RORB: variants seen among roughly 807,000 people sequenced by gnomAD.
RORB encodes RAR related orphan receptor B, also known as nuclear receptor ROR-beta.
A neutral mutation model predicts 59.1 loss-of-function variants in RORB; 6 were observed. That is an observed-to-expected ratio of 0.10 (90% confidence interval 0.06 to 0.20). The LOEUF is 0.20. RORB is among the 10% of genes least tolerant of loss of function. RORB has a pLI of 1.00. For synonymous variants in RORB, 215 were observed against 204.5 expected (o/e 1.05, Z -0.44); for missense variants, 320 against 560.5 (o/e 0.57, Z 4.33).
At chr9:74,662,660 T>G in intron 6 of RORB, 54 bp downstream of exon 6, 1 of 1,589,208 alleles carries the variant, frequency 6.3e-7, no homozygotes, top group Non-Finnish European at 8.6e-7. Context: ...TGGTCAGCCC[T>G]TAGCACTGTG....
At chr9:74,666,199 A>G (rs1194809556) in intron 7 of RORB, among the ~76,000 whole-genome samples, 2 of 152,222 alleles carry the variant, frequency 1.3e-5, no homozygotes, top group African/African-American at 2.4e-5. Flanking sequence ...AGGCAAGAGA[A>G]TCGCTTGAAT....
At chr9:74,533,854 AG>A (rs1386797217) in intron 1 of RORB, among the ~76,000 whole-genome samples, 1 of 152,042 alleles carries the variant, frequency 6.6e-6, no homozygotes, top group Admixed American at 6.6e-5. Context: ...AAAGTTAAAA[AG>A]TTAATGACAT....
At chr9:74,653,738 A>G (rs532120526) in intron 4 of RORB, among the ~76,000 whole-genome samples, 7 of 152,236 alleles carry the variant, frequency 4.6e-5, no homozygotes, top group African/African-American at 1.7e-4. Context: ...TGGCATTCTA[A>G]TGAAACTACC....
rs138052565 is a variant in RORB, at chr9:74,576,932, C to G, written c.8-53350C>G. Reference sequence around the variant, plus strand: ...CATTCATTTGTCTACAGTCACACAGCCTGTAAGAGGAGAATCCAGTTTTCA... The same window carrying G: ...CATTCATTTGTCTACAGTCACACAGGCTGTAAGAGGAGAATCCAGTTTTCA... On this transcript the variant is annotated intron_variant, in intron 1 of 9. Coordinates refer to ENST00000376896, the MANE Select transcript of RORB (RefSeq NM_006914.4). 1.2e-3 allele frequency among the ~76,000 whole-genome samples: 188 copies of G among 152,082 alleles called. 1 individual carries two copies. Among genetic ancestry groups the G allele is most frequent in the Middle Eastern group, 6.8e-3 (2 of 292 alleles).
At chr9:74,508,800 G>A (rs192092403) in intron 1 of RORB, among the ~76,000 whole-genome samples, 3 of 151,966 alleles carry the variant, frequency 2.0e-5, no homozygotes. Context: ...GAGAAAAATC[G>A]ATGACTTGGT....
chr9:74,674,703 A>G (rs1052237464), intron 9 of RORB, among the ~76,000 whole-genome samples: 3 of 152,344 alleles, frequency 2.0e-5, no homozygotes, highest in South Asian at 4.1e-4. Context: ...GAAGATTTCA[A>G]TTCCCATGTG....
At chr9:74,630,411 A>G in intron 2 of RORB, 44 bp downstream of exon 2, 1 of 1,479,700 alleles carries the variant, frequency 6.8e-7, no homozygotes, top group Non-Finnish European at 9.3e-7. Context: ...TGCCTCAGGC[A>G]TCTGTGTACC....
At chr9:74,619,627 T>G (rs1823375791) in intron 1 of RORB, among the ~76,000 whole-genome samples, 1 of 152,122 alleles carries the variant, frequency 6.6e-6, no homozygotes, top group Admixed American at 6.5e-5. Flanking sequence ...AATTTTTGTA[T>G]TTTTAGTAGA....
At chr9:74,567,734 T>A (rs1309858966) in intron 1 of RORB, among the ~76,000 whole-genome samples, 1 of 152,214 alleles carries the variant, frequency 6.6e-6, no homozygotes, top group African/African-American at 2.4e-5. Flanking sequence ...GTACCACTTA[T>A]GAAAGATAAA....
intron 1 of RORB, among the ~76,000 whole-genome samples, chr9:74,601,018 T>C (rs979152979): frequency 2.6e-5 from 4 of 152,166 alleles, no homozygotes; most frequent in African/African-American, 9.6e-5. Flanking sequence ...ATTGTTCACC[T>C]ATTACATTAG....
Position 74,526,199 on chromosome 9 carries a change from T to TTAA in RORB, c.7+28217_7+28219dup, listed in dbSNP as rs747822350. Among the ~76,000 whole-genome samples the TTAA allele has an allele frequency of 7.3e-4, 111 of 151,976 alleles. 2 individuals are homozygous for TTAA. The highest frequency in any genetic ancestry group is 1.4e-3 in the Non-Finnish European group (92 of 67,910). On this transcript the variant is annotated intron_variant, in intron 1 of 9. Transcript: ENST00000376896. ...ATCTGTAACAGAGGGACCCAATAAT[T>TTAA]TAACAAACATCCACTTTCACTTTCA...
chr9:74,589,410 G>T (rs1822853652), intron 1 of RORB, among the ~76,000 whole-genome samples: 1 of 151,990 alleles, frequency 6.6e-6, no homozygotes, highest in African/African-American at 2.4e-5. Flanking sequence ...TTCTAACAGG[G>T]TCCCCATGAG....
chr9:74,499,261 A>T (rs1259468748), intron 1 of RORB: 1 of 152,318 alleles, frequency 6.6e-6, no homozygotes, highest in Non-Finnish European at 1.5e-5. Flanking sequence ...CACTTGGGAG[A>T]GTTGGGATGC....
At chr9:74,517,898 C>T (rs905847142) in intron 1 of RORB, among the ~76,000 whole-genome samples, 4 of 151,982 alleles carry the variant, frequency 2.6e-5, no homozygotes, top group African/African-American at 9.7e-5. Flanking sequence ...TGTGAATTAC[C>T]TCAGTTAATC....
rs568422259 is a variant in RORB, at chr9:74,592,851, A to G, written c.8-37431A>G. ...CTCTCACTCTCACACACACACATGAACATGCACACACATGCACATGCACAC... is the reference window on the plus strand; with the variant it reads ...CTCTCACTCTCACACACACACATGAGCATGCACACACATGCACATGCACAC... On this transcript the variant is annotated intron_variant, in intron 1 of 9. Coordinates refer to ENST00000376896, the MANE Select transcript of RORB (RefSeq NM_006914.4). Among the ~76,000 whole-genome samples the G allele has an allele frequency of 1.6e-4, 24 of 152,246 alleles. 1 individual carries two copies. The South Asian group carries it at 2.5e-3, about 16-fold the overall frequency.
intron 1 of RORB, among the ~76,000 whole-genome samples, chr9:74,523,174 T>G (rs1826107045): frequency 6.6e-6 from 1 of 151,852 alleles, no homozygotes; most frequent in Admixed American, 6.6e-5. Context: ...TTTTCTGTCA[T>G]TTCTCAGTTT....
chr9:74,638,399 G>T (rs1823739835), intron 3 of RORB, among the ~76,000 whole-genome samples: 1 of 152,158 alleles, frequency 6.6e-6, no homozygotes, highest in Non-Finnish European at 1.5e-5. Context: ...ATCAAAATGA[G>T]GGTTAAGAGC....
intron 1 of RORB, among the ~76,000 whole-genome samples, chr9:74,595,272 G>T (rs988285447): frequency 2.0e-5 from 3 of 152,116 alleles, no homozygotes; most frequent in Non-Finnish European, 4.4e-5. Flanking sequence ...TTGGAAATAG[G>T]CTTGCTGTCA....
At chr9:74,602,998 ATTT>A (rs1360226866) in intron 1 of RORB, among the ~76,000 whole-genome samples, 1 of 152,150 alleles carries the variant, frequency 6.6e-6, no homozygotes, top group Non-Finnish European at 1.5e-5. Flanking sequence ...TTTAGTATGC[ATTT>A]GGTAAGAATT....
Sources: gnomAD v4.1 joint callset for allele counts (sites outside exome capture counted in the v4.1 genomes callset) on GRCh38, gnomAD v4.1.1 for gene constraint, MANE v1.5 for transcripts, NCBI Gene and HGNC (gene_info 2026-07-23, HGNC 2026-07-21) for gene names.